Variants in GPR35 observed in about 807,000 individuals in gnomAD.
GPR35 encodes the protein KYNA receptor.
For synonymous variants in GPR35, 207 were observed against 198.4 expected (o/e 1.04, Z -0.36); for missense variants, 372 against 422.5 (o/e 0.88, Z 1.05).
intron 2 of GPR35, among the ~76,000 whole-genome samples, chr2:240,612,761 A>G (rs1334819197): frequency 6.6e-6 from 1 of 152,244 alleles, no homozygotes; most frequent in African/African-American, 2.4e-5. Context: ...CAGCTGATCA[A>G]ATCCGGGCTT....
At chr2:240,619,505 C>T (rs1450833080) in intron 5 of GPR35, among the ~76,000 whole-genome samples, 3 of 152,198 alleles carry the variant, frequency 2.0e-5, no homozygotes, top group Admixed American at 6.5e-5. Flanking sequence ...CCCTCTGCCT[C>T]AGTGGCTCCT....
chr2:240,608,877 A>G (rs1441131290), intron 2 of GPR35, among the ~76,000 whole-genome samples: 1 of 152,224 alleles, frequency 6.6e-6, no homozygotes, highest in Non-Finnish European at 1.5e-5. Flanking sequence ...CTTTGTAGAA[A>G]GGCTTCAAAT....
chr2:240,626,028 G>C (rs1371912375), intron 1 of GPR35, among the ~76,000 whole-genome samples: 28 of 32,450 alleles, frequency 8.6e-4, no homozygotes, highest in South Asian at 3.2e-3. Flanking sequence ...GGGTGAGGCT[G>C]TGATGGGGTC....
intron 2 of GPR35, among the ~76,000 whole-genome samples, chr2:240,610,802 T>C (rs1456808726): frequency 7.3e-6 from 1 of 137,156 alleles, no homozygotes; most frequent in Non-Finnish European, 1.6e-5. Context: ...GCCCGGCTAA[T>C]TTTTTTTTTT....
chr2:240,612,873 G>A (rs1366866588), intron 2 of GPR35, among the ~76,000 whole-genome samples: 3 of 152,234 alleles, frequency 2.0e-5, no homozygotes, highest in African/African-American at 7.2e-5. Context: ...GGGCCTCCTG[G>A]TGATGGTTCT....
chr2:240,607,112 T>C (rs1044480644), intron 2 of GPR35: 1 of 152,160 alleles, frequency 6.6e-6, no homozygotes, highest in Admixed American at 6.6e-5. Context: ...TAGATGACTA[T>C]GAGGAGGACT....
At chr2:240,627,016 G>A (rs1038176631) in intron 1 of GPR35, among the ~76,000 whole-genome samples, 7 of 152,180 alleles carry the variant, frequency 4.6e-5, no homozygotes, top group African/African-American at 1.7e-4. Context: ...GGGAAGCGGG[G>A]CCTCAGAGGC....
intron 3 of GPR35, chr2:240,616,589 T>C (rs1038295618): frequency 1.5e-5 from 11 of 723,090 alleles, no homozygotes; most frequent in Non-Finnish European, 2.5e-5. Flanking sequence ...TGATATCTGG[T>C]GGTCTCTTTG....
upstream of GPR35, among the ~76,000 whole-genome samples, chr2:240,621,556 G>A (rs2043294821): frequency 1.3e-5 from 2 of 152,210 alleles, no homozygotes; most frequent in Admixed American, 1.3e-4. Context: ...CCCAGCCAAT[G>A]TGTTGTTTTA....
chr2:240,630,879 C>A lies in GPR35; in HGVS notation c.927C>A (p.Ala309=). The A allele has an allele frequency of 6.2e-7, 1 of 1,608,830 alleles. No homozygotes were observed. Among genetic ancestry groups the A allele is most frequent in the African/African-American group, 1.3e-5 (1 of 74,936 alleles). Residue 309 remains alanine (A), a synonymous_variant, in exon 2 of 2, where the codon GCC becomes GCA. Coordinates refer to ENST00000407714, the MANE Select transcript of GPR35 (RefSeq NM_005301.5). ...AGGACTCTCTGTGCGTGACCCTCGC[C>A]TAAGAGGCGTGCTGTGGGCGCTGTG... is the stretch of plus-strand genomic sequence containing the variant. The part of the protein sequence containing the change: ...KSQDSLCVTL[A]
chr2:240,609,087 C>T (rs2043160957), intron 2 of GPR35, among the ~76,000 whole-genome samples: 1 of 152,044 alleles, frequency 6.6e-6, no homozygotes, highest in South Asian at 2.1e-4. Context: ...TCTTTTATTC[C>T]TGATATTAGT....
intron 1 of GPR35, among the ~76,000 whole-genome samples, chr2:240,625,830 TG>T (rs2043366689): frequency 3.1e-4 from 5 of 16,168 alleles, no homozygotes; most frequent in Admixed American, 5.8e-4. Flanking sequence ...CTGTGATGGG[TG>T]TCTCAGAGTG....
upstream of GPR35, among the ~76,000 whole-genome samples, chr2:240,622,606 C>T (rs373744581): frequency 2.0e-4 from 31 of 152,338 alleles, no homozygotes; most frequent in Admixed American, 9.1e-4. Flanking sequence ...ATTCAAAGCC[C>T]GCAGCCCGAG....
chr2:240,618,796 T>A (rs994728065), intron 4 of GPR35: 1 of 534,644 alleles, frequency 1.9e-6, no homozygotes, highest in Non-Finnish European at 3.3e-6. Flanking sequence ...ATTGTCTATA[T>A]GTACATAAAC....
Position 240,630,784 on chromosome 2 carries a change from T to A in GPR35, c.832T>A (p.Tyr278Asn). 6.2e-7 allele frequency: 1 copy of A among 1,613,476 alleles called. No individual in the cohort carries two copies. Residue 278 changes from tyrosine to asparagine, a missense_variant, in exon 2 of 2, where the codon TAC (tyrosine) becomes AAC (asparagine). Physicochemically the swap from Tyr to Asn is moderately radical, Grantham distance 143. Transcript: ENST00000407714. The part of the protein sequence containing the change: ...NCCLDAICYY[Y>N]MAKEFQEASA... ...CTGCCTGGACGCCATCTGCTACTAC[T>A]ACATGGCCAAGGAGTTCCAGGAGGC...
intron 1 of GPR35, among the ~76,000 whole-genome samples, chr2:240,625,890 G>T (rs1238044735): frequency 7.6e-5 from 11 of 144,340 alleles, no homozygotes; most frequent in African/African-American, 2.1e-4. Flanking sequence ...CTGTGATGGG[G>T]GTCTCAGAGT....
At chr2:240,624,642 T>G (rs1016439767), upstream of GPR35, among the ~76,000 whole-genome samples, 7 of 151,860 alleles carry the variant, frequency 4.6e-5, no homozygotes, top group Non-Finnish European at 1.0e-4. Flanking sequence ...TCCCAGCCGT[T>G]GAGGAGGGAG....
At chr2:240,607,127 T>C (rs931910514) in intron 2 of GPR35, 2 of 152,148 alleles carry the variant, frequency 1.3e-5, no homozygotes, top group African/African-American at 4.8e-5. Context: ...AGGACTGACA[T>C]ATTTCAATCT....
At chr2:240,628,312 A>G (rs2043400940) in intron 1 of GPR35, 1 of 152,198 alleles carries the variant, frequency 6.6e-6, no homozygotes, top group Non-Finnish European at 1.5e-5. Flanking sequence ...GTCCCTCCAA[A>G]AGTCCCTGGA....
Sources: allele counts gnomAD v4.1 joint callset (sites outside exome capture counted in the v4.1 genomes callset), GRCh38; gene constraint gnomAD v4.1.1; transcripts MANE v1.5; gene names NCBI Gene and HGNC (gene_info 2026-07-23, HGNC 2026-07-21).